The following CCSER2 variants were observed in gnomAD, a reference collection of about 807,000 sequenced individuals.
CCSER2 encodes the protein coiled-coil serine rich protein 2.
A neutral mutation model predicts 92.3 loss-of-function variants in CCSER2; 46 were observed. The ratio of observed to expected loss-of-function variants is 0.50; its 90% CI spans 0.39 to 0.64. The LOEUF (loss-of-function observed/expected upper bound fraction) is 0.64, where lower values mean the gene tolerates loss of function less well. Ranked by LOEUF, CCSER2 falls within the 30% of genes least tolerant of loss-of-function variation. The pLI is 0.00. For missense variants in CCSER2, 1,244 were observed against 1,238.9 expected, an observed-to-expected ratio of 1.00 and a Z score of -0.06; for synonymous variants, 433 against 431.4, an observed-to-expected ratio of 1.00 and a Z score of -0.04.
intron 3 of CCSER2, among the ~76,000 whole-genome samples, chr10:84,403,348 TATAGA>T (rs1842218298): frequency 6.6e-6 from 1 of 152,050 alleles, no homozygotes; most frequent in African/African-American, 2.4e-5. Context: ...TTAAAAGAAA[TATAGA>T]AGAAAATCGT....
intron 6 of CCSER2, among the ~76,000 whole-genome samples, chr10:84,446,443 G>A (rs1844920928): frequency 6.6e-6 from 1 of 152,126 alleles, no homozygotes; most frequent in South Asian, 2.1e-4. Context: ...GGCAGTGGTA[G>A]GTGGTGGAAT....
chr10:84,400,907 C>T (rs1001064322), intron 3 of CCSER2, among the ~76,000 whole-genome samples: 1 of 151,918 alleles, frequency 6.6e-6, no homozygotes, highest in Non-Finnish European at 1.5e-5. Context: ...AAGCGAAACT[C>T]CATCTCTAAA....
rs1178491121 is a variant in CCSER2, at chr10:84,441,734, ATGTTTTTTTTTTTTTTTTTTTTTTTTT to A, written c.2064+3029_2064+3055del. Among the ~76,000 whole-genome samples, 46 of 106,448 alleles carry A rather than the reference ATGTTTTTTTTTTTTTTTTTTTTTTTTT, an allele frequency of 4.3e-4. 1 individual carries two copies. The highest frequency in any genetic ancestry group is 2.6e-3 in the East Asian group (10 of 3,800). The allele number at this position is 106,448 out of a possible 152,430, so 69.8% of individuals were successfully genotyped here. ...GGGAATAAAGTAGAAGACTGGGAAA[ATGTTTTTTTTTTTTTTTTTTTTTTTTT>A]TTTTTTTTTTTTTTTGAGACGAAGT... is the stretch of plus-strand genomic sequence containing the variant. On this transcript the variant is annotated intron_variant, in intron 6 of 9. Transcript: ENST00000372088.
chr10:84,373,434 A>C (rs540821143), intron 2 of CCSER2, among the ~76,000 whole-genome samples, 185 bp from the exon 3 acceptor site: 15 of 152,276 alleles, frequency 9.9e-5, no homozygotes, highest in African/African-American at 3.4e-4. Context: ...ATATTTCAGT[A>C]GGTTATTTTA....
At chr10:84,402,008 A>G (rs1842143121) in intron 3 of CCSER2, among the ~76,000 whole-genome samples, 1 of 152,206 alleles carries the variant, frequency 6.6e-6, no homozygotes, top group South Asian at 2.1e-4. Context: ...TTATTTGCTA[A>G]TGAACTTAAA....
chr10:84,486,403 CTGT>C (rs1847811617), intron 9 of CCSER2, among the ~76,000 whole-genome samples: 1 of 152,192 alleles, frequency 6.6e-6, no homozygotes, highest in Admixed American at 6.5e-5. Context: ...TCTCCAGCAC[CTGT>C]TGTTTCCTGA....
Position 84,372,050 on chromosome 10 carries a change from C to T in CCSER2, c.998C>T (p.Thr333Ile). The T allele has an allele frequency of 6.2e-7, 1 of 1,613,808 alleles. No individual in the cohort carries two copies. The highest frequency in any genetic ancestry group is 2.2e-5 in the East Asian group (1 of 44,876). ...TCTAGCCGATCTCCATTTTCTGGGA[C>T]TATGACAGTTGATGGAAATAAAAAT... ...LKSSRSPFSG[T>I]MTVDGNKNSP... is the part of the protein sequence containing the mutation. The change falls in exon 2 of 10, where the codon ACT becomes ATT. Residue 333 changes from threonine to isoleucine, a missense_variant. By Grantham distance (89) the Thr-to-Ile change is moderately conservative. Transcript: ENST00000372088.
rs1846094110 is a variant in CCSER2, at chr10:84,372,111, A to G, written c.1059A>G (p.Thr353=). The G allele has an allele frequency of 6.2e-7, 1 of 1,613,558 alleles. No homozygotes were observed. Among genetic ancestry groups the G allele is most frequent in the Admixed American group, 1.7e-5 (1 of 59,956 alleles). The change falls in exon 2 of 10, where the codon ACA becomes ACG. Residue 353 remains threonine, a synonymous_variant. Transcript: ENST00000372088. ...PADTCVEEDA[T]VLAKDRAANK... Reference sequence around the variant, plus strand: ...ACACATGTGTAGAGGAAGATGCTACAGTTTTGGCTAAGGACAGAGCTGCTA... The same window carrying G: ...ACACATGTGTAGAGGAAGATGCTACGGTTTTGGCTAAGGACAGAGCTGCTA...
intron 9 of CCSER2, among the ~76,000 whole-genome samples, chr10:84,484,490 C>CGTGT (rs143391336): frequency 0.077 from 11,411 of 147,334 alleles, 991 homozygotes; most frequent in African/African-American, 0.22. Context: ...TGTGCATGCA[C>CGTGT]GTGTGTGTGT....
At chr10:84,406,164 C>A (rs1186986222) in intron 3 of CCSER2, among the ~76,000 whole-genome samples, 1 of 152,134 alleles carries the variant, frequency 6.6e-6, no homozygotes, top group Non-Finnish European at 1.5e-5. Flanking sequence ...AAGTCATTCT[C>A]AAAATGTTAC....
intron 1 of CCSER2, among the ~76,000 whole-genome samples, chr10:84,340,043 A>G (rs879492659): frequency 3.3e-5 from 5 of 151,376 alleles, no homozygotes; most frequent in Non-Finnish European, 7.4e-5. Context: ...GGGTTTCACT[A>G]TGTTGGCCAG....
At chr10:84,499,727 C>T (rs1848623199) in intron 9 of CCSER2, 1 of 608,818 alleles carries the variant, frequency 1.6e-6, no homozygotes, top group African/African-American at 1.8e-5. Context: ...GTAATTTGAG[C>T]TGCCTGTATT....
At chr10:84,381,328 C>A (rs1027934003) in intron 3 of CCSER2, among the ~76,000 whole-genome samples, 1 of 152,186 alleles carries the variant, frequency 6.6e-6, no homozygotes, top group Admixed American at 6.5e-5. Flanking sequence ...TAATATTCTT[C>A]CACAATATGC....
chr10:84,433,251 A>G (rs1843891691), intron 5 of CCSER2, among the ~76,000 whole-genome samples: 1 of 152,226 alleles, frequency 6.6e-6, no homozygotes. Flanking sequence ...CCTCAAAATA[A>G]CTTGCTGAAA....
chr10:84,395,107 C>A (rs762336448), intron 3 of CCSER2, among the ~76,000 whole-genome samples: 2 of 151,618 alleles, frequency 1.3e-5, no homozygotes, highest in African/African-American at 2.4e-5. Flanking sequence ...GCCTGTGGTT[C>A]CAGCTACTTG....
chr10:84,461,736 C>T (rs982194586), intron 6 of CCSER2, among the ~76,000 whole-genome samples: 2 of 151,062 alleles, frequency 1.3e-5, no homozygotes, highest in Admixed American at 6.6e-5. Flanking sequence ...ATTTTAATAA[C>T]AGCTCTGTTA....
At chr10:84,483,991 ATATAT>A (rs1163238767) in intron 9 of CCSER2, among the ~76,000 whole-genome samples, 10 of 35,462 alleles carry the variant, frequency 2.8e-4, no homozygotes, top group Non-Finnish European at 1.5e-4. Flanking sequence ...ATATATATAT[ATATAT>A]AATTTTTTTT....
intron 6 of CCSER2, among the ~76,000 whole-genome samples, chr10:84,457,240 T>C (rs1424562851): frequency 1.5e-5 from 1 of 65,670 alleles, no homozygotes; most frequent in Non-Finnish European, 2.8e-5. Context: ...AAATATATTA[T>C]ATATTATATA....
At chr10:84,485,581 TC>T (rs1847756457) in intron 9 of CCSER2, among the ~76,000 whole-genome samples, 1 of 152,226 alleles carries the variant, frequency 6.6e-6, no homozygotes, top group South Asian at 2.1e-4. Context: ...TGAGTACTGT[TC>T]CATGATATGG....
Sources: gnomAD v4.1 joint callset for allele counts (sites outside exome capture counted in the v4.1 genomes callset) on GRCh38, gnomAD v4.1.1 for gene constraint, MANE v1.5 for transcripts, NCBI Gene and HGNC (gene_info 2026-07-23, HGNC 2026-07-21) for gene names.